The following AMER3 variants were observed in gnomAD, a reference collection of about 807,000 sequenced individuals.
AMER3 encodes the protein family with sequence similarity 123C.
For missense variants in AMER3, 1,201 were observed against 1,139.4 expected (o/e 1.05, Z -0.78); for synonymous variants, 541 against 485.5 (o/e 1.11, Z -1.50).
rs996077726 is a variant in AMER3 at position 130,762,133 on chromosome 2, C to A, written c.61C>A (p.Pro21Thr). The A allele has an allele frequency of 3.7e-6, 6 of 1,610,602 alleles. No homozygotes were observed. Among genetic ancestry groups the A allele is most frequent in the Non-Finnish European group, 5.1e-6 (6 of 1,178,872 alleles). ...CAGCCTGCAGGTTTCCCACGAGAAA[C>A]CCCCAGACCCAGCAGCCGTGGCTGC... The part of the protein sequence containing the change: ...KSSLQVSHEK[P>T]PDPAAVAAAR... The change falls in exon 2 of 2, where the codon CCC becomes ACC. Residue 21 changes from proline to threonine, a missense_variant. Transcript: ENST00000321420.
intron 1 of AMER3, among the ~76,000 whole-genome samples, chr2:130,760,386 G>GC (rs1678741639): frequency 2.6e-5 from 4 of 152,130 alleles, no homozygotes. Context: ...GCAGTCCCTC[G>GC]CCCCCCTGGG....
At position 130,759,482 on chromosome 2, in the gene AMER3, T is replaced by C. The variant is rs76634471; in HGVS notation, c.-19-2572T>C. ...GGCTGAAGTTATATCCAACAGAATG[T>C]CAATCAAAAGATTTTTCCAAAACAT... On this transcript the variant is annotated intron_variant, in intron 1 of 1. Coordinates refer to ENST00000321420, the MANE Select transcript of AMER3 (RefSeq NM_152698.3). Among the ~76,000 whole-genome samples, 978 of 152,254 alleles carry C rather than the reference T, an allele frequency of 6.4e-3. 11 individuals carry two copies. The highest frequency in any genetic ancestry group is 0.022 in the African/African-American group (902 of 41,538).
Position 130,763,080 on chromosome 2 carries a change from CAG to C in AMER3, c.1009_1010del (p.Arg337GlyfsTer12). The C allele has an allele frequency of 6.2e-7, 1 of 1,613,316 alleles. No homozygotes were observed. Among genetic ancestry groups the C allele is most frequent in the South Asian group, 1.1e-5 (1 of 91,078 alleles). ...GGCTTTCAGGCCCCCAGGGGACAGACAGGGACCAATCCCGGCTGGACACAGCT... is the reference window on the plus strand; with the variant it reads ...GGCTTTCAGGCCCCCAGGGGACAGACGGACCAATCCCGGCTGGACACAGCT... The part of the protein sequence containing the change: ...PWLSGPQGTD[R>X]DQSRLDTAGL... On this transcript the variant is annotated frameshift_variant, in exon 2 of 2. Coordinates refer to ENST00000321420, the MANE Select transcript of AMER3 (RefSeq NM_152698.3). LOFTEE classifies it low-confidence loss of function (END_TRUNC).
At chr2:130,762,027 C>T (rs1397087324) in intron 1 of AMER3, 27 bp from the exon 2 acceptor site, 1 of 1,581,742 alleles carries the variant, frequency 6.3e-7, no homozygotes, top group Admixed American at 1.8e-5. Flanking sequence ...GTCTATGATA[C>T]TGAGTGCCTC....
chr2:130,767,594 A>G lies in AMER3; in HGVS notation c.*2936A>G, dbSNP rs1404949374. The G allele has an allele frequency of 1.2e-5, 2 of 166,906 alleles. No individual in the cohort carries two copies. Among genetic ancestry groups the G allele is most frequent in the Non-Finnish European group, 2.9e-5 (2 of 68,150 alleles). The allele number at this position is 166,906 out of a possible 1,614,324, so 10.3% of individuals were successfully genotyped here. On this transcript the variant is annotated 3_prime_UTR_variant, in exon 2 of 2. Coordinates refer to ENST00000321420, the MANE Select transcript of AMER3 (RefSeq NM_152698.3). ...CACAGGCTGCACATCACAGGTTCCAAAGTGTGCAGCAAGGCTTCTGACCAG... is the reference window on the plus strand; with the variant it reads ...CACAGGCTGCACATCACAGGTTCCAGAGTGTGCAGCAAGGCTTCTGACCAG...
Position 130,763,419 on chromosome 2 carries a change from A to G in AMER3, c.1347A>G (p.Ser449=). ...DDDLCVSESL[S]GPALGTPLSI... Reference sequence around the variant, plus strand: ...ACCTGTGCGTGTCTGAGAGTCTGTCAGGGCCGGCCCTGGGGACGCCACTGT... The same window carrying G: ...ACCTGTGCGTGTCTGAGAGTCTGTCGGGGCCGGCCCTGGGGACGCCACTGT... The change falls in exon 2 of 2, where the codon TCA becomes TCG. Residue 449 remains serine (S), a synonymous_variant. Coordinates refer to ENST00000321420, the MANE Select transcript of AMER3 (RefSeq NM_152698.3). 1.2e-6 allele frequency: 2 copies of G among 1,613,024 alleles called. No homozygotes were observed. Among genetic ancestry groups the G allele is most frequent in the African/African-American group, 1.3e-5 (1 of 75,036 alleles).
chr2:130,763,579 G>T lies in AMER3; in HGVS notation c.1507G>T (p.Ala503Ser). 1.2e-6 allele frequency: 2 copies of T among 1,610,734 alleles called. No homozygotes were observed. Among genetic ancestry groups the T allele is most frequent in the South Asian group, 2.2e-5 (2 of 90,688 alleles). ...GCTGAAGCTGTGTGACACTGAGCTC[G>T]CCATCACCATGGGCATCGTCAGCTG... The part of the protein sequence containing the change: ...CLLKLCDTEL[A>S]ITMGIVSWLR... Residue 503 changes from alanine (A) to serine (S), a missense_variant, in exon 2 of 2, where the codon GCC becomes TCC. By Grantham distance (99) the Ala-to-Ser change is moderately conservative. Transcript: ENST00000321420.
In AMER3 at chr2:130,765,046, T is replaced by A; in HGVS notation, c.*388T>A. 1 of 184,486 alleles carries A rather than the reference T, an allele frequency of 5.4e-6. No individual in the cohort carries two copies. The highest frequency in any genetic ancestry group is 1.2e-5 in the Non-Finnish European group (1 of 80,066). 11.4% of individuals were successfully genotyped at this position (184,486 alleles called of 1,614,324 possible). A position where few individuals can be genotyped will look rare whatever the true frequency, so the allele number is the denominator to read the frequency against. Reference sequence around the variant, plus strand: ...TCCCAAATGCCATAGTCCCAAGTGTTGAGAATCCAAAATATTAAAATTACT... The same window carrying A: ...TCCCAAATGCCATAGTCCCAAGTGTAGAGAATCCAAAATATTAAAATTACT... On this transcript the variant is annotated 3_prime_UTR_variant, in exon 2 of 2. Coordinates refer to ENST00000321420, the MANE Select transcript of AMER3 (RefSeq NM_152698.3).
rs1678921343 is a variant in AMER3, at chr2:130,764,409, A to G, written c.2337A>G (p.Thr779=). The G allele has an allele frequency of 6.2e-7, 1 of 1,611,828 alleles. No homozygotes were observed. Among genetic ancestry groups the G allele is most frequent in the East Asian group, 2.2e-5 (1 of 44,840 alleles). Residue 779 remains threonine (T), a synonymous_variant, in exon 2 of 2, where the codon ACA becomes ACG. Transcript: ENST00000321420. ...SVEDQPLQLS[T]EAVEQVAHGS... Reference sequence around the variant, plus strand: ...AGGACCAGCCCTTGCAGCTCAGCACAGAGGCTGTGGAGCAGGTGGCACACG... The same window carrying G: ...AGGACCAGCCCTTGCAGCTCAGCACGGAGGCTGTGGAGCAGGTGGCACACG...
chr2:130,761,682 C>T (rs962358181), intron 1 of AMER3, among the ~76,000 whole-genome samples: 8 of 152,186 alleles, frequency 5.3e-5, no homozygotes, highest in Admixed American at 2.0e-4. Context: ...TTGGATCCTC[C>T]GCCCATCCAC....
At position 130,767,364 on chromosome 2, in the gene AMER3, A is replaced by AG. The variant is rs1221512347; in HGVS notation, c.*2709dup. The AG allele has an allele frequency of 1.2e-5, 2 of 167,056 alleles. No individual in the cohort carries two copies. The highest frequency in any genetic ancestry group is 4.8e-5 in the African/African-American group (2 of 41,444). The allele number at this position is 167,056 out of a possible 1,614,324, so 10.3% of individuals were successfully genotyped here. ...TCAGTCAGGTCGCAGGCAAAGTGCT[A>AG]GGGAAATCCCATCTCATGCAGAGCT... On this transcript the variant is annotated 3_prime_UTR_variant, in exon 2 of 2. Coordinates refer to ENST00000321420, the MANE Select transcript of AMER3 (RefSeq NM_152698.3).
chr2:130,762,877 C>T lies in AMER3; in HGVS notation c.805C>T (p.Pro269Ser). Residue 269 changes from proline (P) to serine (S), a missense_variant, in exon 2 of 2, where the codon CCG becomes TCG. By Grantham distance (74) the Pro-to-Ser change is moderately conservative (BLOSUM62 -1). Transcript: ENST00000321420. ...SVPSLELNEG[P>S]ESPTQAAQGL... is the part of the protein sequence containing the mutation. The stretch of plus-strand genomic sequence containing the variant: ...GCCATCTCTGGAGCTGAACGAGGGC[C>T]CGGAGAGCCCAACCCAGGCTGCTCA... The T allele has an allele frequency of 6.2e-7, 1 of 1,613,312 alleles. No homozygotes were observed. The highest frequency in any genetic ancestry group is 8.5e-7 in the Non-Finnish European group (1 of 1,179,976).
rs2104781959 is a variant in AMER3, at chr2:130,763,103, CAG to C, written c.1032_1033del (p.Ala345TrpfsTer4). The C allele has an allele frequency of 1.2e-6, 2 of 1,613,218 alleles. No homozygotes were observed. The highest frequency in any genetic ancestry group is 4.5e-5 in the East Asian group (2 of 44,876). On this transcript the variant is annotated frameshift_variant, in exon 2 of 2. Coordinates refer to ENST00000321420, the MANE Select transcript of AMER3 (RefSeq NM_152698.3). LOFTEE classifies it low-confidence loss of function (END_TRUNC). ...GACAGGGACCAATCCCGGCTGGACA[CAG>C]CTGGGCTCGCTGAGCTGCCCCTCTG...
rs1678936837 is a variant in AMER3 at position 130,764,750 on chromosome 2, T to G, written c.*92T>G. ...AAATCTCTATCTTTTGTCCCTGATGTGGGGACTGTGTTGGGGGTGGGGGGT... is the reference window on the plus strand; with the variant it reads ...AAATCTCTATCTTTTGTCCCTGATGGGGGGACTGTGTTGGGGGTGGGGGGT... On this transcript the variant is annotated 3_prime_UTR_variant, in exon 2 of 2. Transcript: ENST00000321420. 10 of 1,336,762 alleles carry G rather than the reference T, an allele frequency of 7.5e-6. No individual in the cohort carries two copies. Among genetic ancestry groups the G allele is most frequent in the African/African-American group, 1.5e-5 (1 of 66,864 alleles). 82.8% of individuals were successfully genotyped at this position (1,336,762 alleles called of 1,614,324 possible). A position where few individuals can be genotyped will look rare whatever the true frequency, so the allele number is the denominator to read the frequency against.
In AMER3 at chr2:130,764,309, G is replaced by A. The variant is rs776656196; in HGVS notation, c.2237G>A (p.Arg746Gln). Residue 746 changes from arginine to glutamine, a missense_variant, in exon 2 of 2, where the codon CGA becomes CAA. Arg to Gln is a conservative substitution (Grantham distance 43). Transcript: ENST00000321420. ...GCCAGCACACAGGACCAGAGGTGTC[G>A]AGATCGTGTCCAGGACCTGAGCTGG... ...YSASTQDQRC[R>Q]DRVQDLSWLR... The A allele has an allele frequency of 1.4e-5, 23 of 1,607,682 alleles. No homozygotes were observed. In the East Asian group the frequency reaches 2.7e-4, roughly 19 times the overall value.
Position 130,761,152 on chromosome 2 carries a change from C to T in AMER3, c.-19-902C>T, listed in dbSNP as rs1255581154. Among the ~76,000 whole-genome samples the T allele has an allele frequency of 2.0e-5, 3 of 152,226 alleles. No individual in the cohort carries two copies. The East Asian group carries it at 5.8e-4, about 29-fold the overall frequency. On this transcript the variant is annotated intron_variant, in intron 1 of 1. Transcript: ENST00000321420. ...AACTTCATTAAAGTCCCTGCTCCTA[C>T]CCACCCACAGGAAGATGGCTGTAGC...
In AMER3 at chr2:130,765,957, G is replaced by GAGT. The variant is rs1678970949; in HGVS notation, c.*1299_*1300insAGT. The GAGT allele has an allele frequency of 6.0e-6, 1 of 166,982 alleles. No individual in the cohort carries two copies. The highest frequency in any genetic ancestry group is 1.5e-5 in the Non-Finnish European group (1 of 68,142). 10.3% of individuals were successfully genotyped at this position (166,982 alleles called of 1,614,324 possible). A position where few individuals can be genotyped will look rare whatever the true frequency, so the allele number is the denominator to read the frequency against. ...CAGTCGAGTTCACACCCAAAATGAA[G>GAGT]TCCACAGGTCCACCCCTTGTCAACT... is the stretch of plus-strand genomic sequence containing the variant. On this transcript the variant is annotated 3_prime_UTR_variant, in exon 2 of 2. Coordinates refer to ENST00000321420, the MANE Select transcript of AMER3 (RefSeq NM_152698.3).
rs1282939170 is a variant in AMER3 at position 130,763,080 on chromosome 2, C to G, written c.1008C>G (p.Asp336Glu). Residue 336 changes from aspartate (D) to glutamate (E), a missense_variant, in exon 2 of 2, where the codon GAC (aspartate) becomes GAG (glutamate). Physicochemically the swap from Asp to Glu is conservative, Grantham distance 45 (BLOSUM62 2). Transcript: ENST00000321420. Reference sequence around the variant, plus strand: ...GGCTTTCAGGCCCCCAGGGGACAGACAGGGACCAATCCCGGCTGGACACAG... The same window carrying G: ...GGCTTTCAGGCCCCCAGGGGACAGAGAGGGACCAATCCCGGCTGGACACAG... Reference protein sequence around the residue: ...GPWLSGPQGTDRDQSRLDTAG... With the variant: ...GPWLSGPQGTERDQSRLDTAG... The G allele has an allele frequency of 1.2e-6, 2 of 1,613,198 alleles. No homozygotes were observed. The highest frequency in any genetic ancestry group is 1.7e-6 in the Non-Finnish European group (2 of 1,179,924).
At position 130,765,289 on chromosome 2, in the gene AMER3, C is replaced by G. The variant is rs1246392486; in HGVS notation, c.*631C>G. ...ATAAACAGGTATACAGACAGTTACACCGGTGTGAGTTATTAGCAGACAAAC... is the reference window on the plus strand; with the variant it reads ...ATAAACAGGTATACAGACAGTTACAGCGGTGTGAGTTATTAGCAGACAAAC... On this transcript the variant is annotated 3_prime_UTR_variant, in exon 2 of 2. Transcript: ENST00000321420. 1 of 166,996 alleles carries G rather than the reference C, an allele frequency of 6.0e-6. No individual in the cohort carries two copies. The highest frequency in any genetic ancestry group is 1.5e-5 in the Non-Finnish European group (1 of 68,172). The allele number at this position is 166,996 out of a possible 1,614,324, so 10.3% of individuals were successfully genotyped here. A position where few individuals can be genotyped will look rare whatever the true frequency, so the allele number is the denominator to read the frequency against.
Sources: allele counts gnomAD v4.1 joint callset (sites outside exome capture counted in the v4.1 genomes callset), GRCh38; gene constraint gnomAD v4.1.1; transcripts MANE v1.5; gene names NCBI Gene and HGNC (gene_info 2026-07-23, HGNC 2026-07-21).